The following SNX29 variants were observed in gnomAD, a reference collection of about 807,000 sequenced individuals.
SNX29 encodes sorting nexin 29, also known as sorting nexin-29.
A neutral mutation model predicts 102.1 loss-of-function variants in SNX29; 78 were observed. The observed-to-expected ratio is 0.76, with a 90% CI of 0.64 to 0.92. SNX29 has a LOEUF of 0.92. Ranked by LOEUF, SNX29 falls within the 40% of genes least tolerant of loss-of-function variation. SNX29 has a pLI of 0.00. For missense variants in SNX29, 1,280 were observed against 1,061.7 expected, an observed-to-expected ratio of 1.21 and a Z score of -2.86; for synonymous variants, 580 against 414.5, an observed-to-expected ratio of 1.40 and a Z score of -4.85.
chr16:12,094,816 A>G (rs1012026642), intron 11 of SNX29, among the ~76,000 whole-genome samples: 1 of 152,140 alleles, frequency 6.6e-6, no homozygotes, highest in African/African-American at 2.4e-5. Flanking sequence ...CCAAGACAGA[A>G]GGAAGCAGCA....
intron 15 of SNX29, among the ~76,000 whole-genome samples, chr16:12,340,559 AC>A (rs374123418): frequency 1.3e-5 from 2 of 152,142 alleles, no homozygotes; most frequent in African/African-American, 4.8e-5. Flanking sequence ...AGTTCTGGAA[AC>A]GTTGGTCTGT....
chr16:12,378,960 C>T (rs1217573458), intron 16 of SNX29, among the ~76,000 whole-genome samples: 1 of 152,114 alleles, frequency 6.6e-6, no homozygotes, highest in Non-Finnish European at 1.5e-5. Flanking sequence ...CCATCCTGAA[C>T]CAGTTACTAC....
intron 18 of SNX29, 99 bp from the exon 19 acceptor site, chr16:12,477,620 C>G (rs1344208568): frequency 2.1e-6 from 3 of 1,406,850 alleles, no homozygotes; most frequent in Admixed American, 2.1e-5. Context: ...ACAGATGTGA[C>G]TCTTGCTGCA....
chr16:12,538,185 G>C (rs55866801), intron 20 of SNX29, among the ~76,000 whole-genome samples: 1,557 of 152,158 alleles, frequency 0.01, 24 homozygotes, highest in African/African-American at 0.036. Flanking sequence ...GTGTGATCTA[G>C]GCTCACCGCA....
chr16:12,143,255 C>A (rs1217818710), intron 13 of SNX29, among the ~76,000 whole-genome samples: 1 of 152,136 alleles, frequency 6.6e-6, no homozygotes, highest in African/African-American at 2.4e-5. Flanking sequence ...CCTCGGCCTC[C>A]CAAAGTGCTG....
At chr16:12,469,531 C>T (rs906239230) in intron 18 of SNX29, among the ~76,000 whole-genome samples, 1 of 152,168 alleles carries the variant, frequency 6.6e-6, no homozygotes, top group South Asian at 2.1e-4. Flanking sequence ...ATTCAACAGT[C>T]AGCATAAAGG....
chr16:12,554,950 A>G (rs369290754), intron 20 of SNX29, among the ~76,000 whole-genome samples: 1 of 149,158 alleles, frequency 6.7e-6, no homozygotes, highest in East Asian at 1.9e-4. Flanking sequence ...CCTCTGGAGA[A>G]AACAATGGAG....
At chr16:12,012,533 C>T (rs538841223) in intron 3 of SNX29, among the ~76,000 whole-genome samples, 4 of 152,152 alleles carry the variant, frequency 2.6e-5, no homozygotes, top group African/African-American at 4.8e-5. Flanking sequence ...CTCAGCCTCC[C>T]GAGTAGCTGG....
intron 20 of SNX29, among the ~76,000 whole-genome samples, chr16:12,561,428 A>C (rs913649874): frequency 2.0e-5 from 3 of 152,182 alleles, no homozygotes; most frequent in African/African-American, 7.2e-5. Context: ...GCTGGGTTGC[A>C]GGGATCCAGC....
intron 20 of SNX29, among the ~76,000 whole-genome samples, chr16:12,555,397 G>A (rs555038357): frequency 2.0e-5 from 3 of 150,186 alleles, no homozygotes; most frequent in African/African-American, 7.6e-5. Flanking sequence ...CTGCGTGTCT[G>A]CTGGGCTGCT....
intron 15 of SNX29, among the ~76,000 whole-genome samples, chr16:12,343,181 A>G (rs1310708851): frequency 1.3e-5 from 2 of 152,232 alleles, no homozygotes; most frequent in Non-Finnish European, 2.9e-5. Flanking sequence ...TCAAGACATG[A>G]GAACACGACA....
At chr16:12,563,520 G>A (rs954194560) in intron 20 of SNX29, among the ~76,000 whole-genome samples, 2 of 152,212 alleles carry the variant, frequency 1.3e-5, no homozygotes, top group Non-Finnish European at 2.9e-5. Context: ...CCCCGCATGT[G>A]AAAAATTGAG....
intron 3 of SNX29, among the ~76,000 whole-genome samples, chr16:12,003,268 C>T (rs949237555): frequency 5.3e-5 from 8 of 152,156 alleles, no homozygotes; most frequent in African/African-American, 1.9e-4. Context: ...CCATAATTCT[C>T]TTTCTAGGAA....
intron 11 of SNX29, among the ~76,000 whole-genome samples, chr16:12,100,882 A>G (rs2052981322): frequency 6.6e-6 from 1 of 152,014 alleles, no homozygotes; most frequent in Non-Finnish European, 1.5e-5. Flanking sequence ...GGGGGTCACA[A>G]TGTAGGCAGC....
At chr16:12,351,844 C>A (rs2081999479) in intron 15 of SNX29, among the ~76,000 whole-genome samples, 1 of 152,136 alleles carries the variant, frequency 6.6e-6, no homozygotes, top group African/African-American at 2.4e-5. Context: ...TGCTGGGCAA[C>A]ACACTGATTG....
intron 14 of SNX29, among the ~76,000 whole-genome samples, chr16:12,270,716 C>G (rs1240377746): frequency 1.3e-5 from 2 of 151,916 alleles, no homozygotes; most frequent in Non-Finnish European, 2.9e-5. Context: ...TCACCATCTC[C>G]GTCACTTCAT....
At chr16:12,114,551 C>T (rs559251332) in intron 11 of SNX29, among the ~76,000 whole-genome samples, 7 of 151,520 alleles carry the variant, frequency 4.6e-5, no homozygotes, top group Non-Finnish European at 7.4e-5. Context: ...GTTTCAGTCC[C>T]GGTTCTGTAT....
chr16:12,506,865 A>ACTCAGGC (rs2089402547), intron 19 of SNX29, among the ~76,000 whole-genome samples: 1 of 152,022 alleles, frequency 6.6e-6, no homozygotes, highest in Admixed American at 6.6e-5. Flanking sequence ...CATCTTTCAA[A>ACTCAGGC]TCTCTTTCCT....
At chr16:12,319,808 A>G (rs1297802640) in intron 15 of SNX29, among the ~76,000 whole-genome samples, 2 of 152,094 alleles carry the variant, frequency 1.3e-5, no homozygotes, top group South Asian at 2.1e-4. Context: ...TTTGTTAACT[A>G]TGGAGACTTC....
Sources: allele counts gnomAD v4.1 joint callset (sites outside exome capture counted in the v4.1 genomes callset), GRCh38; gene constraint gnomAD v4.1.1; transcripts MANE v1.5; gene names NCBI Gene and HGNC (gene_info 2026-07-23, HGNC 2026-07-21).